The following MRAP2 variants were observed in gnomAD, a reference collection of about 807,000 sequenced individuals.
The protein encoded by MRAP2 is melanocortin-2 receptor accessory protein 2.
A neutral mutation model predicts 17.4 loss-of-function variants in MRAP2; 20 were observed. The ratio of observed to expected loss-of-function variants is 1.15; its 90% CI spans 0.81 to 1.67. The LOEUF is 1.67. Ranked by LOEUF, MRAP2 falls within the 40% of genes most tolerant of loss-of-function variation. The probability of loss-of-function intolerance (pLI) is 0.00; values close to 1 mark genes in which losing one functional copy is unlikely to be tolerated. For missense variants in MRAP2, 238 were observed against 240.0 expected (o/e 0.99, Z 0.05); for synonymous variants, 96 against 88.4 (o/e 1.09, Z -0.48).
intron 1 of MRAP2, among the ~76,000 whole-genome samples, chr6:84,050,796 G>C (rs1375414696): frequency 1.3e-5 from 2 of 152,194 alleles, no homozygotes; most frequent in Non-Finnish European, 2.9e-5. Context: ...TTTGGAGTTT[G>C]AGGATTGAAG....
intron 2 of MRAP2, chr6:84,061,874 T>C (rs1416909316): frequency 3.0e-6 from 3 of 985,332 alleles, no homozygotes; most frequent in African/African-American, 3.5e-5. Context: ...TCTTTTACTC[T>C]GGAAAAGTGG....
At chr6:84,060,867 TTTTTTGTA>T (rs1454856718) in intron 2 of MRAP2, among the ~76,000 whole-genome samples, 1 of 147,230 alleles carries the variant, frequency 6.8e-6, no homozygotes, top group Admixed American at 6.7e-5. Flanking sequence ...TTTTTTTTTT[TTTTTTGTA>T]TTTTTAGTAG....
chr6:84,036,092 A>G (rs1356374541), intron 1 of MRAP2, among the ~76,000 whole-genome samples: 1 of 151,854 alleles, frequency 6.6e-6, no homozygotes, highest in Non-Finnish European at 1.5e-5. Flanking sequence ...GAAGATTACC[A>G]GATAATGCCT....
At chr6:84,141,049 A>G in the MRAP2 span, among the ~76,000 whole-genome samples, 3 of 152,146 alleles carry the variant, frequency 2.0e-5, no homozygotes, top group Non-Finnish European at 4.4e-5. Flanking sequence ...CGCTCCTATG[A>G]GAATCTAATG....
chr6:84,034,157 C>T lies in MRAP2; in HGVS notation c.-8+274C>T, dbSNP rs114710157. 6.2e-3 allele frequency among the ~76,000 whole-genome samples: 948 copies of T among 152,204 alleles called. 14 individuals carry two copies. The highest frequency in any genetic ancestry group is 0.022 in the African/African-American group (920 of 41,542). ...GCTGGGCGTCCGAAAAGCCTGGAAG[C>T]GGCGGCGCTCGGGGCTTGGGTGGGC... On this transcript the variant is annotated intron_variant, in intron 1 of 3. Transcript: ENST00000257776.
the MRAP2 span, among the ~76,000 whole-genome samples, chr6:84,143,977 AG>A: frequency 6.6e-6 from 1 of 151,998 alleles, no homozygotes; most frequent in Non-Finnish European, 1.5e-5. Context: ...ATTTGCCTTT[AG>A]AATCTTTTAA....
chr6:84,051,904 T>G (rs1262152682), intron 1 of MRAP2, among the ~76,000 whole-genome samples: 3 of 152,134 alleles, frequency 2.0e-5, no homozygotes, highest in Non-Finnish European at 4.4e-5. Flanking sequence ...CTGTTTGGGT[T>G]TGTGATCTCC....
chr6:84,062,236 C>A, intron 2 of MRAP2: 2 of 405,124 alleles, frequency 4.9e-6, no homozygotes, highest in Non-Finnish European at 6.7e-6. Flanking sequence ...GCTTCTGTAA[C>A]AATAGCTCAG....
At chr6:84,062,147 C>T (rs2099493324) in intron 2 of MRAP2, 1 of 970,874 alleles carries the variant, frequency 1.0e-6, no homozygotes, top group African/African-American at 1.8e-5. Context: ...AAGAAGGCCT[C>T]CATTATTTGC....
chr6:84,084,141 T>C (rs1257262309), intron 3 of MRAP2, among the ~76,000 whole-genome samples: 1 of 152,236 alleles, frequency 6.6e-6, no homozygotes, highest in African/African-American at 2.4e-5. Context: ...TTAATATTTA[T>C]ATTTTAGCCA....
At chr6:84,052,054 T>C (rs1562875267) in intron 1 of MRAP2, among the ~76,000 whole-genome samples, 1 of 152,216 alleles carries the variant, frequency 6.6e-6, no homozygotes. Flanking sequence ...CTTTCAGCTG[T>C]TCAAAAGAGC....
Position 84,081,936 on chromosome 6 carries a change from T to G in MRAP2, c.228-7155T>G, listed in dbSNP as rs1293548904. On this transcript the variant is annotated intron_variant, in intron 3 of 3. Transcript: ENST00000257776. ...TCTGCCTTCCACTAAAATTGTAAGT[T>G]TCCTGAGACCTCCCTAGCCATGCAG... Among the ~76,000 whole-genome samples, 3 of 152,200 alleles carry G rather than the reference T, an allele frequency of 2.0e-5. No individual in the cohort carries two copies. In the East Asian group the frequency reaches 5.8e-4, roughly 29 times the overall value.
Position 84,036,056 on chromosome 6 carries a change from A to G in MRAP2, c.-8+2173A>G, listed in dbSNP as rs140298865. ...GTTTGTGTAATATATTTAAGGAACT[A>G]TTATTATACCAAGCTATGATATTTG... On this transcript the variant is annotated intron_variant, in intron 1 of 3. Transcript: ENST00000257776. Among the ~76,000 whole-genome samples, 348 of 152,082 alleles carry G rather than the reference A, an allele frequency of 2.3e-3. 1 individual carries two copies. The highest frequency in any genetic ancestry group is 0.014 in the Middle Eastern group (4 of 292).
the MRAP2 span, among the ~76,000 whole-genome samples, chr6:84,112,273 A>G: frequency 6.6e-6 from 1 of 152,028 alleles, no homozygotes; most frequent in Non-Finnish European, 1.5e-5. Flanking sequence ...TACTCCCTCA[A>G]TTTCAGAACT....
intron 1 of MRAP2, among the ~76,000 whole-genome samples, chr6:84,042,046 T>A (rs1433834572): frequency 6.6e-6 from 1 of 152,176 alleles, no homozygotes; most frequent in African/African-American, 2.4e-5. Context: ...CCCCATGTGT[T>A]GTGGGAGGGA....
chr6:84,058,009 G>A (rs1269955211), intron 2 of MRAP2, among the ~76,000 whole-genome samples: 1 of 152,190 alleles, frequency 6.6e-6, no homozygotes, highest in Non-Finnish European at 1.5e-5. Flanking sequence ...TACCAGGGGA[G>A]TGATAAGAGG....
chr6:84,080,005 C>T (rs1327851529), intron 3 of MRAP2, among the ~76,000 whole-genome samples: 1 of 150,458 alleles, frequency 6.6e-6, no homozygotes, highest in Non-Finnish European at 1.5e-5. Flanking sequence ...TAACCTTCCC[C>T]AGCTCTATTG....
the MRAP2 span, among the ~76,000 whole-genome samples, chr6:84,112,203 G>C: frequency 6.6e-6 from 1 of 152,106 alleles, no homozygotes; most frequent in Admixed American, 6.5e-5. Context: ...TGTAACTCTG[G>C]TAGAATTAGG....
At chr6:84,130,738 T>G in the MRAP2 span, among the ~76,000 whole-genome samples, 1 of 152,114 alleles carries the variant, frequency 6.6e-6, no homozygotes, top group East Asian at 1.9e-4. Context: ...TCTATTTGAT[T>G]CTTCTCTCTT....
Sources: gnomAD v4.1 joint callset for allele counts (sites outside exome capture counted in the v4.1 genomes callset) on GRCh38, gnomAD v4.1.1 for gene constraint, MANE v1.5 for transcripts, NCBI Gene and HGNC (gene_info 2026-07-23, HGNC 2026-07-21) for gene names.